The following PDE1A variants were observed in gnomAD, a reference collection of about 807,000 sequenced individuals.
PDE1A encodes phosphodiesterase 1A.
A neutral mutation model predicts 61.7 loss-of-function variants in PDE1A; 35 were observed. That is an observed-to-expected ratio of 0.57 (90% CI 0.43 to 0.75). PDE1A has a LOEUF of 0.75. PDE1A is among the 30% of genes least tolerant of loss of function. The pLI is 0.00. For synonymous variants in PDE1A, 232 were observed against 213.2 expected (o/e 1.09, Z -0.77); for missense variants, 597 against 630.6 (o/e 0.95, Z 0.57).
intron 1 of PDE1A, among the ~76,000 whole-genome samples, chr2:182,273,298 C>A (rs1275631254): frequency 6.6e-6 from 1 of 151,832 alleles, no homozygotes; most frequent in Non-Finnish European, 1.5e-5. Flanking sequence ...AATCACTGAC[C>A]ATGACAAATT....
chr2:182,144,990 G>C (rs1690418951), downstream of PDE1A, among the ~76,000 whole-genome samples: 1 of 152,162 alleles, frequency 6.6e-6, no homozygotes, highest in Non-Finnish European at 1.5e-5. Context: ...ATCACTGCCT[G>C]TTGTCTCCCA....
At chr2:182,309,788 T>C (rs1263094650) in intron 1 of PDE1A, among the ~76,000 whole-genome samples, 1 of 152,172 alleles carries the variant, frequency 6.6e-6, no homozygotes, top group African/African-American at 2.4e-5. Context: ...TAAGAATGTT[T>C]CTGACACAAA....
intron 1 of PDE1A, among the ~76,000 whole-genome samples, chr2:182,310,423 A>G (rs550920520): frequency 6.6e-6 from 1 of 152,352 alleles, no homozygotes; most frequent in South Asian, 2.1e-4. Context: ...ATCATTGAAA[A>G]AGAAAGAAAT....
chr2:182,623,994 G>A, the PDE1A span, among the ~76,000 whole-genome samples: 9 of 151,522 alleles, frequency 5.9e-5, no homozygotes, highest in Non-Finnish European at 1.0e-4. Context: ...GCGTAGTGGC[G>A]GGCGCCTGTA....
intron 2 of PDE1A, among the ~76,000 whole-genome samples, chr2:182,247,061 T>C (rs143708250): frequency 1.2e-4 from 18 of 152,354 alleles, no homozygotes. Context: ...AATTTATTGC[T>C]GCTTATGCAG....
chr2:182,666,932 C>G, the PDE1A span, among the ~76,000 whole-genome samples: 1 of 152,124 alleles, frequency 6.6e-6, no homozygotes, highest in Non-Finnish European at 1.5e-5. Context: ...TAGGTACTTC[C>G]TTTTTCCCAG....
At chr2:182,689,410 C>T in the PDE1A span, among the ~76,000 whole-genome samples, 1 of 151,938 alleles carries the variant, frequency 6.6e-6, no homozygotes, top group African/African-American at 2.4e-5. Flanking sequence ...AAACTGAACA[C>T]CCTGTTCCTG....
At chr2:182,426,096 G>A (rs1703603558) in intron 1 of PDE1A, among the ~76,000 whole-genome samples, 1 of 152,090 alleles carries the variant, frequency 6.6e-6, no homozygotes, top group African/African-American at 2.4e-5. Context: ...TTTAACTGCT[G>A]GTCTGATATT....
In PDE1A at chr2:182,322,317, G is replaced by C. The variant is rs576182848; in HGVS notation, c.54-57903C>G. Reference sequence around the variant, plus strand: ...TTTGTCCCTACCCAAATCTCATCTCGAATTGTAGCTCCCATAATCCCCACG... The same window carrying C: ...TTTGTCCCTACCCAAATCTCATCTCCAATTGTAGCTCCCATAATCCCCACG... On this transcript the variant is annotated intron_variant, in intron 1 of 13. Transcript: ENST00000351439. Among the ~76,000 whole-genome samples, 73 of 152,216 alleles carry C rather than the reference G, an allele frequency of 4.8e-4. 1 individual carries two copies. The highest frequency in any genetic ancestry group is 1.7e-3 in the African/African-American group (70 of 41,542).
chr2:182,305,834 A>C (rs2125929485), intron 1 of PDE1A, among the ~76,000 whole-genome samples: 1 of 152,240 alleles, frequency 6.6e-6, no homozygotes, highest in South Asian at 2.1e-4. Context: ...GGAATGATTA[A>C]ATCAAGCTAA....
the PDE1A span, among the ~76,000 whole-genome samples, chr2:182,635,526 A>C: frequency 3.3e-5 from 5 of 152,286 alleles, no homozygotes; most frequent in East Asian, 5.8e-4. Context: ...AAAAACCATA[A>C]TTTATTTAAC....
chr2:182,425,270 G>A (rs1703540389), intron 1 of PDE1A, among the ~76,000 whole-genome samples: 1 of 152,082 alleles, frequency 6.6e-6, no homozygotes, highest in African/African-American at 2.4e-5. Flanking sequence ...AGAATCATCT[G>A]GGCAACTATC....
chr2:182,396,703 A>G (rs1158565862), intron 1 of PDE1A, among the ~76,000 whole-genome samples: 1 of 152,188 alleles, frequency 6.6e-6, no homozygotes, highest in Non-Finnish European at 1.5e-5. Flanking sequence ...CATTTAGGTT[A>G]AGGATTAGTA....
chr2:182,217,807 T>C (rs1275669478), intron 7 of PDE1A, among the ~76,000 whole-genome samples: 1 of 151,124 alleles, frequency 6.6e-6, no homozygotes, highest in Non-Finnish European at 1.5e-5. Context: ...AGGAACACTT[T>C]TACACTGTTG....
chr2:182,283,849 G>A (rs1487951101), intron 1 of PDE1A, among the ~76,000 whole-genome samples: 3 of 152,086 alleles, frequency 2.0e-5, no homozygotes, highest in Non-Finnish European at 4.4e-5. Flanking sequence ...TATGAAAAGC[G>A]TCATGGCTTG....
At chr2:182,259,597 G>A (rs1692078616) in intron 2 of PDE1A, among the ~76,000 whole-genome samples, 1 of 152,182 alleles carries the variant, frequency 6.6e-6, no homozygotes, top group Non-Finnish European at 1.5e-5. Context: ...GGGATGTAAA[G>A]TAACTTCCTT....
intron 2 of PDE1A, among the ~76,000 whole-genome samples, chr2:182,458,093 C>T (rs932305209): frequency 6.6e-5 from 10 of 152,010 alleles, no homozygotes; most frequent in African/African-American, 2.4e-4. Flanking sequence ...ACAGTAGTTA[C>T]AGCAAGTAGC....
At chr2:182,171,106 T>C (rs1692172569) in intron 13 of PDE1A, among the ~76,000 whole-genome samples, 1 of 152,016 alleles carries the variant, frequency 6.6e-6, no homozygotes, top group South Asian at 2.1e-4. Flanking sequence ...AGAAAATGTA[T>C]GAGCTTTTCT....
chr2:182,704,415 T>C, the PDE1A span, among the ~76,000 whole-genome samples: 99 of 152,018 alleles, frequency 6.5e-4, no homozygotes, highest in African/African-American at 2.4e-3. Flanking sequence ...CATAATAAGA[T>C]CCATGAACTA....
Sources: allele counts gnomAD v4.1 joint callset (sites outside exome capture counted in the v4.1 genomes callset), GRCh38; gene constraint gnomAD v4.1.1; transcripts MANE v1.5; gene names NCBI Gene and HGNC (gene_info 2026-07-23, HGNC 2026-07-21).